Variants in TMEM181 observed in about 807,000 individuals in gnomAD.
TMEM181 encodes G protein-coupled receptor 178.
In TMEM181, 39 loss-of-function variants were observed where a neutral mutation model predicts 71.9. That is an observed-to-expected ratio of 0.54 (90% CI 0.42 to 0.71). TMEM181 has a LOEUF of 0.71. TMEM181 is among the 30% of genes least tolerant of loss of function. TMEM181 has a pLI of 0.00. For missense variants in TMEM181, 595 were observed against 583.0 expected (o/e 1.02, Z -0.21); for synonymous variants, 245 against 228.8 (o/e 1.07, Z -0.64).
At position 158,629,820 on chromosome 6, in the gene TMEM181, G is replaced by T; in HGVS notation, c.1282+1G>T. On this transcript the variant is annotated splice_donor_variant, in intron 15 of 16. Coordinates refer to ENST00000684151, the MANE Select transcript of TMEM181 (RefSeq NM_001376852.1). LOFTEE classifies it high-confidence loss of function. ...TCTCCATCGAAGAATGCCCTCTATG[G>T]TAAGCCACCCTGGGGTCTGGACTGC... 1.2e-6 allele frequency: 2 copies of T among 1,613,316 alleles called. No individual in the cohort carries two copies. Among genetic ancestry groups the T allele is most frequent in the Non-Finnish European group, 8.5e-7 (1 of 1,179,296 alleles).
intron 10 of TMEM181, among the ~76,000 whole-genome samples, chr6:158,612,151 T>G (rs1203290776): frequency 5.9e-5 from 9 of 152,142 alleles, no homozygotes; most frequent in Non-Finnish European, 2.9e-5. Flanking sequence ...GGTGCCCAGC[T>G]GTGCCCAGCT....
Position 158,542,757 on chromosome 6 carries a change from A to G in TMEM181, c.131+5892A>G, listed in dbSNP as rs1322079393. 2.0e-5 allele frequency among the ~76,000 whole-genome samples: 3 copies of G among 151,616 alleles called. No individual in the cohort carries two copies. The East Asian group carries it at 5.8e-4, about 29-fold the overall frequency. On this transcript the variant is annotated intron_variant, in intron 1 of 16. Transcript: ENST00000367090. The stretch of plus-strand genomic sequence containing the variant: ...GTAGCTGGGACTACATGCGTGGACC[A>G]CCACACCTGGCTAATTTTTGTATTT...
chr6:158,537,470 G>T (rs927707096), intron 1 of TMEM181, among the ~76,000 whole-genome samples: 2 of 152,212 alleles, frequency 1.3e-5, no homozygotes, highest in Non-Finnish European at 2.9e-5. Flanking sequence ...GTTCATCTCT[G>T]TCTCCCTCTT....
chr6:158,591,780 C>CTGTA (rs1480782091), intron 6 of TMEM181, among the ~76,000 whole-genome samples: 7 of 152,108 alleles, frequency 4.6e-5, no homozygotes, highest in Non-Finnish European at 8.8e-5. Flanking sequence ...TCTCCAGAAG[C>CTGTA]TGTAGTTCAT....
At chr6:158,607,394 T>C (rs1244094246) in intron 8 of TMEM181, 51 bp downstream of exon 8, 2 of 1,555,718 alleles carry the variant, frequency 1.3e-6, no homozygotes, top group Admixed American at 1.7e-5. Flanking sequence ...AATGTAAAGC[T>C]GGAGGCCAGG....
chr6:158,608,838 C>G (rs1785121044), intron 10 of TMEM181, 88 bp downstream of exon 10: 1 of 1,235,640 alleles, frequency 8.1e-7, no homozygotes, highest in Admixed American at 2.1e-5. Flanking sequence ...TGGCTCACGC[C>G]TGTAATCCCA....
At chr6:158,571,900 A>G (rs1036673043) in intron 1 of TMEM181, among the ~76,000 whole-genome samples, 16 of 152,136 alleles carry the variant, frequency 1.1e-4, no homozygotes, top group South Asian at 2.1e-4. Context: ...GGTCATTCCT[A>G]TGGCTCCTGG....
intron 6 of TMEM181, among the ~76,000 whole-genome samples, chr6:158,593,590 C>T (rs541502429): frequency 4.0e-4 from 61 of 152,264 alleles, no homozygotes; most frequent in African/African-American, 1.4e-3. Context: ...CTCGGAGAAT[C>T]GCATAATCAA....
intron 1 of TMEM181, among the ~76,000 whole-genome samples, chr6:158,561,342 G>T (rs1402593619): frequency 6.6e-6 from 1 of 152,206 alleles, no homozygotes; most frequent in African/African-American, 2.4e-5. Flanking sequence ...GACCTATGTG[G>T]ATGTTTTAAA....
intron 1 of TMEM181, among the ~76,000 whole-genome samples, chr6:158,549,260 G>C (rs1243284972): frequency 2.6e-5 from 4 of 152,044 alleles, no homozygotes; most frequent in Non-Finnish European, 4.4e-5. Flanking sequence ...TGGGACTACA[G>C]GTGCGCCACT....
upstream of TMEM181, chr6:158,560,051 A>AGTCGCTTCCGCGCACGTGATC: frequency 1.0e-6 from 1 of 984,974 alleles, no homozygotes; most frequent in Non-Finnish European, 1.2e-6. Context: ...CCGCCGTGAG[A>AGTCGCTTCCGCGCACGTGATC]GTCGCTTCCG....
upstream of TMEM181, among the ~76,000 whole-genome samples, chr6:158,557,816 C>T (rs571902878): frequency 7.9e-5 from 12 of 152,318 alleles, no homozygotes; most frequent in Middle Eastern, 3.4e-3. Flanking sequence ...TGCCCATGCC[C>T]GGTCAATTAA....
chr6:158,603,000 C>T (rs1177818651), intron 6 of TMEM181, among the ~76,000 whole-genome samples: 2 of 152,128 alleles, frequency 1.3e-5, no homozygotes, highest in Non-Finnish European at 2.9e-5. Flanking sequence ...ATGTTCTTCC[C>T]TCTCCCCACC....
chr6:158,565,393 C>T (rs763990063), intron 1 of TMEM181, among the ~76,000 whole-genome samples: 22 of 152,126 alleles, frequency 1.4e-4, no homozygotes, highest in African/African-American at 2.7e-4. Flanking sequence ...TTACAGCTGG[C>T]CAGGCCTGAG....
rs2128316323 is a variant in TMEM181, at chr6:158,607,134, C to T, written c.574-110C>T. ...TAAGGCAGCGACTCTTAGTGGGGCA[C>T]CTAGACCATTGATTAGAGAAGACAA... On this transcript the variant is annotated intron_variant, in intron 7 of 16. Coordinates refer to ENST00000684151, the MANE Select transcript of TMEM181 (RefSeq NM_001376852.1). 3.5e-6 allele frequency: 3 copies of T among 847,172 alleles called. No homozygotes were observed. In the South Asian group the frequency reaches 4.4e-5, roughly 13 times the overall value. 52.5% of individuals were successfully genotyped at this position (847,172 alleles called of 1,614,324 possible). A position where few individuals can be genotyped will look rare whatever the true frequency, so the allele number is the denominator to read the frequency against.
chr6:158,632,006 G>A lies in TMEM181; in HGVS notation c.*118G>A. 9.6e-7 allele frequency: 1 copy of A among 1,046,200 alleles called. No individual in the cohort carries two copies. The highest frequency in any genetic ancestry group is 1.7e-5 in the South Asian group (1 of 60,350). 64.8% of individuals were successfully genotyped at this position (1,046,200 alleles called of 1,614,324 possible). On this transcript the variant is annotated 3_prime_UTR_variant, in exon 17 of 17. Transcript: ENST00000684151. ...ACAAGCAGAGATTTCCTGTTCATTT[G>A]TTTACATATTTTTTTAAAGGAAAAC...
At chr6:158,577,251 A>T (rs544841866) in intron 2 of TMEM181, among the ~76,000 whole-genome samples, 1 of 152,244 alleles carries the variant, frequency 6.6e-6, no homozygotes, top group East Asian at 1.9e-4. Flanking sequence ...AGTCAAGAAA[A>T]CAATGTATGA....
At chr6:158,596,618 T>G (rs1350432075) in intron 6 of TMEM181, among the ~76,000 whole-genome samples, 3 of 152,194 alleles carry the variant, frequency 2.0e-5, no homozygotes, top group Non-Finnish European at 4.4e-5. Context: ...CCCTGATTGC[T>G]TCCTGTATTA....
intron 6 of TMEM181, among the ~76,000 whole-genome samples, chr6:158,597,541 C>T (rs188989253): frequency 3.9e-5 from 6 of 151,988 alleles, no homozygotes; most frequent in Admixed American, 1.3e-4. Flanking sequence ...TGCTCTGTCA[C>T]TCAATCTAGA....
Sources: gnomAD v4.1 joint callset for allele counts (sites outside exome capture counted in the v4.1 genomes callset) on GRCh38, gnomAD v4.1.1 for gene constraint, MANE v1.5 for transcripts, NCBI Gene and HGNC (gene_info 2026-07-23, HGNC 2026-07-21) for gene names.